The following MALRD1 variants were observed in gnomAD, a reference collection of about 807,000 sequenced individuals.
MALRD1 encodes the protein MAM and LDL receptor class A domain containing 1.
In MALRD1, 247 loss-of-function variants were observed where a neutral mutation model predicts 242.1. That is an observed-to-expected ratio of 1.02 (90% CI 0.92 to 1.13). The LOEUF (loss-of-function observed/expected upper bound fraction) is 1.13, where lower values mean the gene tolerates loss of function less well. Among genes scored for constraint, MALRD1 ranks in the 50% most tolerant of loss-of-function variants. MALRD1 has a pLI of 0.00. For synonymous variants in MALRD1, 995 were observed against 866.6 expected (o/e 1.15, Z -2.60); for missense variants, 2,989 against 2,533.1 (o/e 1.18, Z -3.86).
intron 28 of MALRD1, among the ~76,000 whole-genome samples, chr10:19,426,680 G>A (rs937759039): frequency 6.6e-6 from 1 of 152,122 alleles, no homozygotes; most frequent in African/African-American, 2.4e-5. Context: ...GGGCATGCCT[G>A]TAGTCCCAGC....
At chr10:19,548,571 T>A (rs1445198441) in intron 32 of MALRD1, among the ~76,000 whole-genome samples, 2 of 152,262 alleles carry the variant, frequency 1.3e-5, no homozygotes, top group African/African-American at 2.4e-5. Flanking sequence ...CCGGCCTCAT[T>A]ATATTTCTTA....
intron 19 of MALRD1, among the ~76,000 whole-genome samples, chr10:19,265,621 G>A (rs1459733419): frequency 6.6e-6 from 1 of 152,034 alleles, no homozygotes; most frequent in East Asian, 1.9e-4. Flanking sequence ...ATTTGTTAAT[G>A]CTTGTTTTGT....
chr10:19,426,914 AT>A (rs1455691016), intron 28 of MALRD1, among the ~76,000 whole-genome samples: 1 of 152,104 alleles, frequency 6.6e-6, no homozygotes, highest in Non-Finnish European at 1.5e-5. Flanking sequence ...CACTTTTCTA[AT>A]TAGCTTCCTC....
At position 19,587,754 on chromosome 10, in the gene MALRD1, G is replaced by T. The variant is rs546867454; in HGVS notation, c.5681-7440G>T. Reference sequence around the variant, plus strand: ...AGTGGAGTATGGTAATCAGAGAGATGTCTTGGTTACTGGGAATGTCGAAGT... The same window carrying T: ...AGTGGAGTATGGTAATCAGAGAGATTTCTTGGTTACTGGGAATGTCGAAGT... On this transcript the variant is annotated intron_variant, in intron 33 of 39. Coordinates refer to ENST00000454679, the MANE Select transcript of MALRD1 (RefSeq NM_001142308.3). Among the ~76,000 whole-genome samples, 8 of 152,218 alleles carry T rather than the reference G, an allele frequency of 5.3e-5. No individual in the cohort carries two copies. The South Asian group carries it at 1.7e-3, about 32-fold the overall frequency.
chr10:19,714,902 C>T (rs1834312513), intron 38 of MALRD1, among the ~76,000 whole-genome samples: 1 of 152,120 alleles, frequency 6.6e-6, no homozygotes, highest in Non-Finnish European at 1.5e-5. Flanking sequence ...TTCCAGTGCA[C>T]AACAGGCCCA....
At chr10:19,193,249 G>C (rs1836072449) in intron 14 of MALRD1, among the ~76,000 whole-genome samples, 1 of 152,138 alleles carries the variant, frequency 6.6e-6, no homozygotes, top group African/African-American at 2.4e-5. Context: ...GGCATACATA[G>C]TCATGAAATA....
intron 36 of MALRD1, among the ~76,000 whole-genome samples, chr10:19,620,691 A>G (rs530074914): frequency 6.6e-6 from 1 of 152,196 alleles, no homozygotes; most frequent in South Asian, 2.1e-4. Context: ...TCTTCAATAC[A>G]TTTTCATGAC....
At chr10:19,258,504 A>G (rs1004003479) in intron 19 of MALRD1, among the ~76,000 whole-genome samples, 3 of 152,178 alleles carry the variant, frequency 2.0e-5, no homozygotes, top group African/African-American at 4.8e-5. Context: ...TGGAGTGATC[A>G]GAGGCTGGGG....
At chr10:19,344,986 A>G (rs1215294057) in intron 24 of MALRD1, among the ~76,000 whole-genome samples, 1 of 152,132 alleles carries the variant, frequency 6.6e-6, no homozygotes, top group Non-Finnish European at 1.5e-5. Flanking sequence ...CATTAATTGC[A>G]CCACAAATGC....
At chr10:19,592,507 T>A (rs1837848205) in intron 33 of MALRD1, among the ~76,000 whole-genome samples, 1 of 152,088 alleles carries the variant, frequency 6.6e-6, no homozygotes, top group Admixed American at 6.6e-5. Context: ...TCCCAGGAGC[T>A]GGGGGAATGA....
At chr10:19,573,613 G>A (rs764016684) in intron 33 of MALRD1, among the ~76,000 whole-genome samples, 28 of 151,850 alleles carry the variant, frequency 1.8e-4, no homozygotes, top group African/African-American at 4.6e-4. Flanking sequence ...TTTTCCTTAC[G>A]CTTACTACTC....
chr10:19,181,123 T>C (rs761108835), intron 14 of MALRD1, among the ~76,000 whole-genome samples: 7 of 152,148 alleles, frequency 4.6e-5, no homozygotes, highest in Admixed American at 6.5e-5. Context: ...AAATGTGAAT[T>C]GTGCAGCCAT....
At chr10:19,608,323 C>T (rs1028246361) in intron 35 of MALRD1, among the ~76,000 whole-genome samples, 10 of 151,964 alleles carry the variant, frequency 6.6e-5, no homozygotes, top group Non-Finnish European at 2.9e-5. Context: ...AATCTAGTTA[C>T]ATATTTAATA....
At chr10:19,209,785 A>T in intron 18 of MALRD1, 105 bp downstream of exon 18, 2 of 1,190,094 alleles carry the variant, frequency 1.7e-6, no homozygotes, top group Non-Finnish European at 2.3e-6. Flanking sequence ...GAATTTGATC[A>T]AAGTTACATT....
intron 28 of MALRD1, among the ~76,000 whole-genome samples, chr10:19,448,623 T>G (rs993864498): frequency 6.6e-6 from 1 of 152,148 alleles, no homozygotes; most frequent in Admixed American, 6.5e-5. Context: ...ATATGTCATT[T>G]TATGTCATGT....
chr10:19,438,304 G>A (rs78755240), intron 28 of MALRD1, among the ~76,000 whole-genome samples: 1,940 of 152,156 alleles, frequency 0.013, 28 homozygotes, highest in Admixed American at 0.026. Context: ...GTACACACAT[G>A]TTGTAACATG....
intron 38 of MALRD1, among the ~76,000 whole-genome samples, chr10:19,706,984 C>T (rs1833892477): frequency 6.6e-6 from 1 of 151,986 alleles, no homozygotes; most frequent in South Asian, 2.1e-4. Flanking sequence ...TCCTCCTCTT[C>T]CTCCTCATCC....
At chr10:19,241,146 C>A (rs1469736070) in intron 18 of MALRD1, among the ~76,000 whole-genome samples, 1 of 151,984 alleles carries the variant, frequency 6.6e-6, no homozygotes. Context: ...GGTAGTTATT[C>A]TTTAACTGTT....
intron 14 of MALRD1, among the ~76,000 whole-genome samples, chr10:19,183,558 C>T (rs78765040): frequency 6.6e-6 from 1 of 152,234 alleles, no homozygotes; most frequent in East Asian, 1.9e-4. Flanking sequence ...TAATTTTTCT[C>T]ACTTTCACAA....
Sources: allele counts gnomAD v4.1 joint callset (sites outside exome capture counted in the v4.1 genomes callset), GRCh38; gene constraint gnomAD v4.1.1; transcripts MANE v1.5; gene names NCBI Gene and HGNC (gene_info 2026-07-23, HGNC 2026-07-21).